The following NIPAL3 variants were observed in gnomAD, a reference collection of about 807,000 sequenced individuals.
The protein encoded by NIPAL3 is NIPA-like protein 3.
A neutral mutation model predicts 47.2 loss-of-function variants in NIPAL3; 41 were observed. That is an observed-to-expected ratio of 0.87 (90% CI 0.68 to 1.13). NIPAL3 has a LOEUF of 1.13. NIPAL3 is among the 50% of genes most tolerant of loss of function. The probability of loss-of-function intolerance (pLI) is 0.00; values close to 1 mark genes in which losing one functional copy is unlikely to be tolerated. For missense variants in NIPAL3, 449 were observed against 530.1 expected, an observed-to-expected ratio of 0.85 and a Z score of 1.50; for synonymous variants, 194 against 209.6, an observed-to-expected ratio of 0.93 and a Z score of 0.64.
rs71032817 is a variant in NIPAL3, at chr1:24,468,314, CAATA to C, written c.1022-649_1022-646del. On this transcript the variant is annotated intron_variant, in intron 11 of 11. Coordinates refer to ENST00000374399, the MANE Select transcript of NIPAL3 (RefSeq NM_020448.5). Reference sequence around the variant, plus strand: ...TGGGCGACAGAGCAAGACCCTGTCTCAATAAATAAATAAATAAATAAATAAACAA... The same window carrying C: ...TGGGCGACAGAGCAAGACCCTGTCTCAATAAATAAATAAATAAATAAACAA... 1.6e-4 allele frequency among the ~76,000 whole-genome samples: 25 copies of C among 151,842 alleles called. No individual in the cohort carries two copies. The South Asian group carries it at 2.5e-3, about 15-fold the overall frequency.
At chr1:24,467,892 G>A (rs1223111388) in intron 11 of NIPAL3, among the ~76,000 whole-genome samples, 2 of 152,196 alleles carry the variant, frequency 1.3e-5, no homozygotes, top group East Asian at 3.9e-4. Flanking sequence ...AGTGCCCAGG[G>A]CATATTAAAC....
At chr1:24,444,914 A>C (rs140794027) in intron 4 of NIPAL3, among the ~76,000 whole-genome samples, 1 of 152,296 alleles carries the variant, frequency 6.6e-6, no homozygotes, top group African/African-American at 2.4e-5. Flanking sequence ...CCAAGGGTGA[A>C]CATGCCAGAA....
chr1:24,432,618 T>G (rs764240726), intron 2 of NIPAL3, among the ~76,000 whole-genome samples: 2 of 152,250 alleles, frequency 1.3e-5, no homozygotes, highest in African/African-American at 2.4e-5. Flanking sequence ...TCAGACTACC[T>G]GGGTTCCCAT....
chr1:24,425,143 A>G (rs892139565), intron 2 of NIPAL3, among the ~76,000 whole-genome samples: 1 of 152,138 alleles, frequency 6.6e-6, no homozygotes, highest in African/African-American at 2.4e-5. Flanking sequence ...TCAGGTCTCA[A>G]TTCTTCTGTT....
Position 24,469,219 on chromosome 1 carries a change from C to T in NIPAL3, c.*34C>T. 1 of 1,565,502 alleles carries T rather than the reference C, an allele frequency of 6.4e-7. No individual in the cohort carries two copies. The highest frequency in any genetic ancestry group is 8.7e-7 in the Non-Finnish European group (1 of 1,146,184). On this transcript the variant is annotated 3_prime_UTR_variant, in exon 12 of 12. Transcript: ENST00000374399. Reference sequence around the variant, plus strand: ...TCCCTCTATTTATAACTGTCCCCTCCAGGCTGACAGTGGTTCAACCCTGAA... The same window carrying T: ...TCCCTCTATTTATAACTGTCCCCTCTAGGCTGACAGTGGTTCAACCCTGAA...
chr1:24,443,229 GA>G (rs1167757209), intron 4 of NIPAL3, among the ~76,000 whole-genome samples: 9 of 150,132 alleles, frequency 6.0e-5, no homozygotes, highest in South Asian at 4.2e-4. Flanking sequence ...AACAGAATTA[GA>G]AAAAAAAAAT....
At chr1:24,429,519 T>G (rs558017374) in intron 2 of NIPAL3, among the ~76,000 whole-genome samples, 1 of 152,342 alleles carries the variant, frequency 6.6e-6, no homozygotes, top group Non-Finnish European at 1.5e-5. Context: ...TCCTTGAATT[T>G]GTATTTCCAT....
Position 24,416,398 on chromosome 1 carries a change from C to T in NIPAL3, c.-258+494C>T, listed in dbSNP as rs1047303603. On this transcript the variant is annotated intron_variant, in intron 1 of 11. Coordinates refer to ENST00000374399, the MANE Select transcript of NIPAL3 (RefSeq NM_020448.5). This position sits in a 1 kb window ranked among gnomAD's most constrained non-coding sequence, Gnocchi z 4.8. ...CTTGGCAGGGAACTGGCGCTCACCTCCAGAAGCCAGATCGTCGGGTGGTGG... is the reference window on the plus strand; with the variant it reads ...CTTGGCAGGGAACTGGCGCTCACCTTCAGAAGCCAGATCGTCGGGTGGTGG... 1.1e-6 allele frequency: 1 copy of T among 910,616 alleles called. No homozygotes were observed. The highest frequency in any genetic ancestry group is 1.3e-6 in the Non-Finnish European group (1 of 761,734). 56.4% of individuals were successfully genotyped at this position (910,616 alleles called of 1,614,324 possible). A position where few individuals can be genotyped will look rare whatever the true frequency, so the allele number is the denominator to read the frequency against.
chr1:24,414,970 C>G (rs1176263769), upstream of NIPAL3: 2 of 152,194 alleles, frequency 1.3e-5, no homozygotes, highest in Admixed American at 1.3e-4. Context: ...CTCCCATGTT[C>G]CCAAGGAGCT....
intron 9 of NIPAL3, 130 bp from the exon 10 acceptor site, chr1:24,460,351 A>G (rs1185745462): frequency 4.2e-6 from 3 of 717,336 alleles, no homozygotes; most frequent in South Asian, 3.8e-5. Flanking sequence ...TTCTTCTTGT[A>G]AGGCACAGTC....
At chr1:24,426,020 T>G (rs950340999) in intron 2 of NIPAL3, among the ~76,000 whole-genome samples, 1 of 152,210 alleles carries the variant, frequency 6.6e-6, no homozygotes, top group Admixed American at 6.5e-5. Flanking sequence ...GAACAGGAAC[T>G]GTGCTAATCC....
chr1:24,465,181 TTC>T lies in NIPAL3; in HGVS notation c.1021+1064_1021+1065del, dbSNP rs1375701375. On this transcript the variant is annotated intron_variant, in intron 11 of 11. Transcript: ENST00000374399. Reference sequence around the variant, plus strand: ...GAGCTCTGAGTTGGGGGCCTAAGATTTCTCCTAGGAGTTAAGTGCATGAGCTT... The same window carrying T: ...GAGCTCTGAGTTGGGGGCCTAAGATTTCCTAGGAGTTAAGTGCATGAGCTT... 3 of 137,008 alleles carry T rather than the reference TTC, an allele frequency of 2.2e-5. No individual in the cohort carries two copies. In the Admixed American group the frequency reaches 2.2e-4, roughly 10 times the overall value. 8.5% of individuals were successfully genotyped at this position (137,008 alleles called of 1,614,324 possible). A position where few individuals can be genotyped will look rare whatever the true frequency, so the allele number is the denominator to read the frequency against.
intron 6 of NIPAL3, among the ~76,000 whole-genome samples, chr1:24,452,815 T>A (rs1646002313): frequency 6.6e-6 from 1 of 151,778 alleles, no homozygotes; most frequent in South Asian, 2.1e-4. Flanking sequence ...GCCTCCTGAG[T>A]AGCTGGGATT....
intron 8 of NIPAL3, among the ~76,000 whole-genome samples, chr1:24,457,112 G>A (rs1255595742): frequency 2.0e-5 from 3 of 152,074 alleles, no homozygotes; most frequent in African/African-American, 4.8e-5. Context: ...CATCTTCTCC[G>A]GGGCAGATGA....
intron 2 of NIPAL3, among the ~76,000 whole-genome samples, chr1:24,424,320 G>T (rs1644473852): frequency 1.3e-5 from 2 of 152,204 alleles, no homozygotes; most frequent in Admixed American, 1.3e-4. Flanking sequence ...TGCCTTATCT[G>T]TAGAATGTTG....
intron 8 of NIPAL3, among the ~76,000 whole-genome samples, chr1:24,456,725 C>T (rs1646232354): frequency 1.3e-5 from 2 of 152,132 alleles, no homozygotes; most frequent in South Asian, 4.1e-4. Context: ...ATGGATTTTT[C>T]CCCACTCCCT....
chr1:24,458,275 C>A (rs1233120293), intron 8 of NIPAL3, among the ~76,000 whole-genome samples: 1 of 151,790 alleles, frequency 6.6e-6, no homozygotes, highest in African/African-American at 2.4e-5. Context: ...GGCCACAAAG[C>A]GAAGTAAAAA....
chr1:24,464,165 T>A, intron 11 of NIPAL3, 45 bp downstream of exon 11: 1 of 1,433,062 alleles, frequency 7.0e-7, no homozygotes, highest in Non-Finnish European at 9.8e-7. Context: ...CCATATAGAA[T>A]GACTGCTACT....
At position 24,471,578 on chromosome 1, in the gene NIPAL3, C is replaced by CAAAAAAAA. The variant is rs10664394; in HGVS notation, c.*2406_*2413dup. 1 of 77,032 alleles carries CAAAAAAAA rather than the reference C, an allele frequency of 1.3e-5. No individual in the cohort carries two copies. The highest frequency in any genetic ancestry group is 2.3e-5 in the Non-Finnish European group (1 of 43,020). 4.8% of individuals were successfully genotyped at this position (77,032 alleles called of 1,614,324 possible). On this transcript the variant is annotated 3_prime_UTR_variant, in exon 12 of 12. Transcript: ENST00000374399. ...CCTGGGTGACAATGAGACCATGGCT[C>CAAAAAAAA]AAAAAAAAAAAAAAAAAAAAGATAA...
Sources: gnomAD v4.1 joint callset for allele counts (sites outside exome capture counted in the v4.1 genomes callset) on GRCh38, gnomAD v4.1.1 for gene constraint, Gnocchi (gnomAD v3.1) non-coding constraint, MANE v1.5 for transcripts, NCBI Gene and HGNC (gene_info 2026-07-23, HGNC 2026-07-21) for gene names.